The following UBOX5 variants were observed in gnomAD, a reference collection of about 807,000 sequenced individuals.
UBOX5 encodes the protein U-box domain containing 5.
UBOX5 carries 28 observed loss-of-function variants against 39.0 expected under a neutral mutation model. That is an observed-to-expected ratio of 0.72 (90% CI 0.53 to 0.98). UBOX5 has a LOEUF of 0.98. UBOX5 is among the 50% of genes least tolerant of loss of function. The pLI is 0.00. For synonymous variants in UBOX5, 283 were observed against 275.5 expected (o/e 1.03, Z -0.27); for missense variants, 585 against 674.4 (o/e 0.87, Z 1.47).
At chr20:3,147,297 C>A in intron 1 of UBOX5, 1 of 1,614,200 alleles carries the variant, frequency 6.2e-7, no homozygotes. Flanking sequence ...TCAAGCTGGA[C>A]CTCTAAGTCA....
At chr20:3,148,043 A>C in intron 1 of UBOX5, 1 of 1,614,196 alleles carries the variant, frequency 6.2e-7, no homozygotes, top group Non-Finnish European at 8.5e-7. Context: ...AGCACAAGCC[A>C]AGTCTCCAAT....
Position 3,110,233 on chromosome 20 carries a change from T to TAC in UBOX5, c.1497_1498dup (p.Tyr500CysfsTer24). On this transcript the variant is annotated frameshift_variant, in exon 5 of 5. Coordinates refer to ENST00000217173, the MANE Select transcript of UBOX5 (RefSeq NM_014948.4). LOFTEE classifies it high-confidence loss of function. ...CAGGAGGTGGCCGCAGGGCAGCTGG[T>TAC]ACACCGGCTCCTTTTTGAAGTAGGG... 1 of 1,614,072 alleles carries TAC rather than the reference T, an allele frequency of 6.2e-7. No individual in the cohort carries two copies. The highest frequency in any genetic ancestry group is 8.5e-7 in the Non-Finnish European group (1 of 1,180,004).
chr20:3,148,509 C>G, intron 1 of UBOX5: 1 of 1,614,146 alleles, frequency 6.2e-7, no homozygotes, highest in South Asian at 1.1e-5. Flanking sequence ...CAGAGCAGAG[C>G]AAAGCTGGTA....
At chr20:3,144,798 A>G (rs1421917300) in intron 1 of UBOX5, among the ~76,000 whole-genome samples, 2 of 152,190 alleles carry the variant, frequency 1.3e-5, no homozygotes, top group African/African-American at 2.4e-5. Context: ...ACTTCCTAAT[A>G]TAACACATAG....
chr20:3,115,462 T>G lies in UBOX5; in HGVS notation c.1260A>C (p.Pro420=). The G allele has an allele frequency of 2.5e-6, 4 of 1,612,576 alleles. No homozygotes were observed. The highest frequency in any genetic ancestry group is 3.4e-6 in the Non-Finnish European group (4 of 1,179,228). Residue 420 remains proline, a synonymous_variant, in exon 4 of 5, where the codon CCA becomes CCC. Coordinates refer to ENST00000217173, the MANE Select transcript of UBOX5 (RefSeq NM_014948.4). ...GTGACAGCTTCTGCTCGTGGGACAGTGGACCTGTCGAGAGATGCGCACAGC... is the reference window on the plus strand; with the variant it reads ...GTGACAGCTTCTGCTCGTGGGACAGGGGACCTGTCGAGAGATGCGCACAGC... ...SLTHMDCSTG[P]LSHEQKLSQS...
chr20:3,139,251 C>CA (rs1483200137), intron 1 of UBOX5, among the ~76,000 whole-genome samples: 5 of 152,080 alleles, frequency 3.3e-5, no homozygotes, highest in Non-Finnish European at 5.9e-5. Flanking sequence ...GAGAGGTATG[C>CA]AAAAAAACCA....
At chr20:3,140,173 C>T (rs62206130) in intron 1 of UBOX5, among the ~76,000 whole-genome samples, 81 of 151,814 alleles carry the variant, frequency 5.3e-4, no homozygotes, top group Non-Finnish European at 7.7e-4. Flanking sequence ...AGGCACACAC[C>T]ATCATGCCCA....
chr20:3,145,771 C>T (rs1288482964), intron 1 of UBOX5, among the ~76,000 whole-genome samples: 5 of 152,182 alleles, frequency 3.3e-5, no homozygotes, highest in Non-Finnish European at 7.3e-5. Flanking sequence ...ATAGGCCAGC[C>T]ACAGTGGCTC....
chr20:3,130,269 A>ATAAG lies in UBOX5; in HGVS notation c.-41-6864_-41-6863insCTTA, dbSNP rs548576351. Among the ~76,000 whole-genome samples the ATAAG allele has an allele frequency of 6.6e-3, 996 of 151,066 alleles. 12 individuals are homozygous for ATAAG. Among genetic ancestry groups the ATAAG allele is most frequent in the Non-Finnish European group, 0.01 (682 of 67,620 alleles). ...AATAAATAAATAAATAAATAAATAA[A>ATAAG]CAAACAAAGAGGGTGGGGGGCATAA... On this transcript the variant is annotated intron_variant, in intron 1 of 4. Transcript: ENST00000217173.
chr20:3,158,092 C>T (rs1392479398), intron 1 of UBOX5, among the ~76,000 whole-genome samples: 1 of 152,060 alleles, frequency 6.6e-6, no homozygotes, highest in Non-Finnish European at 1.5e-5. Context: ...ACAAGCCCAC[C>T]ACCACGCCTG....
At chr20:3,125,638 G>T (rs1418976202) in intron 1 of UBOX5, among the ~76,000 whole-genome samples, 3 of 130,622 alleles carry the variant, frequency 2.3e-5, no homozygotes, top group Non-Finnish European at 3.1e-5. Flanking sequence ...GAGTGCCTCT[G>T]CCCGGCCACC....
At chr20:3,121,279 C>T in intron 3 of UBOX5, 105 bp downstream of exon 3, 4 of 1,484,418 alleles carry the variant, frequency 2.7e-6, no homozygotes, top group Non-Finnish European at 3.6e-6. Context: ...CAGGCACAGC[C>T]TCGGGAATGT....
intron 1 of UBOX5, chr20:3,148,353 T>A: frequency 6.2e-7 from 1 of 1,614,134 alleles, no homozygotes; most frequent in Non-Finnish European, 8.5e-7. Context: ...TGATCCATAT[T>A]CATCTCCCAT....
chr20:3,143,218 T>C (rs1337865644), intron 1 of UBOX5, among the ~76,000 whole-genome samples: 5 of 147,722 alleles, frequency 3.4e-5, no homozygotes, highest in Non-Finnish European at 7.4e-5. Context: ...CAAGTGATTC[T>C]CATGCTTCAG....
At chr20:3,139,548 C>T (rs997540554) in intron 1 of UBOX5, among the ~76,000 whole-genome samples, 1 of 151,560 alleles carries the variant, frequency 6.6e-6, no homozygotes, top group South Asian at 2.1e-4. Flanking sequence ...CACCACCACA[C>T]CCAACTAATT....
At position 3,118,641 on chromosome 20, in the gene UBOX5, G is replaced by A. The variant is rs532487065; in HGVS notation, c.1255+2743C>T. Among the ~76,000 whole-genome samples, 22 of 152,070 alleles carry A rather than the reference G, an allele frequency of 1.4e-4. 1 individual carries two copies. The highest frequency in any genetic ancestry group is 4.2e-4 in the South Asian group (2 of 4,814). ...AAAAAAATTAGCCAGGTGTGCTGGC[G>A]GGCGCCTGTAGTCCCAGCTACTCAG... On this transcript the variant is annotated intron_variant, in intron 3 of 4. Transcript: ENST00000217173.
chr20:3,119,815 T>C (rs891618190), intron 3 of UBOX5, among the ~76,000 whole-genome samples: 5 of 151,404 alleles, frequency 3.3e-5, no homozygotes, highest in Admixed American at 1.3e-4. Flanking sequence ...GATTGCGCCA[T>C]TGCACTCCAG....
At chr20:3,146,781 GA>G (rs1270343522) in intron 1 of UBOX5, 1 of 1,612,998 alleles carries the variant, frequency 6.2e-7, no homozygotes, top group African/African-American at 1.3e-5. Flanking sequence ...GCCCTTCAGA[GA>G]GCAGAGGTGA....
rs2066337205 is a variant in UBOX5 at position 3,121,671 on chromosome 20, G to T, written c.968C>A (p.Ser323Tyr). The T allele has an allele frequency of 1.9e-6, 3 of 1,613,818 alleles. No individual in the cohort carries two copies. The highest frequency in any genetic ancestry group is 2.5e-6 in the Non-Finnish European group (3 of 1,179,992). Residue 323 changes from serine (S) to tyrosine (Y), a missense_variant, in exon 3 of 5, where the codon TCC becomes TAC. Ser to Tyr is a moderately radical substitution (Grantham distance 144). Transcript: ENST00000217173. The stretch of plus-strand genomic sequence containing the variant: ...GAAATGGTCAATCCGGGCCTTGAGG[G>T]AGGGGTGAGGCAGGGGCTGAGAGTG... The part of the protein sequence containing the change: ...TPHSQPLPHP[S>Y]LKARIDHFLL...
Sources: allele counts gnomAD v4.1 joint callset (sites outside exome capture counted in the v4.1 genomes callset), GRCh38; gene constraint gnomAD v4.1.1; transcripts MANE v1.5; gene names NCBI Gene and HGNC (gene_info 2026-07-23, HGNC 2026-07-21).